The following CALD1 variants were observed in gnomAD, a reference collection of about 807,000 sequenced individuals.
CALD1 encodes caldesmon.
Under a neutral mutation model 99.9 loss-of-function variants are expected in CALD1, and 33 were observed. The observed-to-expected ratio is 0.33, with a 90% CI of 0.25 to 0.44. The LOEUF is 0.44. CALD1 is among the 20% of genes least tolerant of loss of function. CALD1 has a pLI of 1.00. For missense variants in CALD1, 861 were observed against 962.1 expected (o/e 0.89, Z 1.39); for synonymous variants, 310 against 325.0 (o/e 0.95, Z 0.50).
At chr7:134,938,010 T>G (rs1363326928) in intron 6 of CALD1, among the ~76,000 whole-genome samples, 1 of 152,222 alleles carries the variant, frequency 6.6e-6, no homozygotes, top group Non-Finnish European at 1.5e-5. Context: ...TTAAAAGTGA[T>G]GTTCGTGTCA....
rs1327848947 is a variant in CALD1, at chr7:134,951,285, A to G, written c.1935+771A>G. Reference sequence around the variant, plus strand: ...GTTTCACAGCTTCTCTTTGTTTACAACATATGGAAAGGAGGGACAGTAGTG... The same window carrying G: ...GTTTCACAGCTTCTCTTTGTTTACAGCATATGGAAAGGAGGGACAGTAGTG... On this transcript the variant is annotated intron_variant, in intron 9 of 14. Coordinates refer to ENST00000361675, the MANE Select transcript of CALD1 (RefSeq NM_033138.4). 2.0e-5 allele frequency among the ~76,000 whole-genome samples: 3 copies of G among 152,164 alleles called. No individual in the cohort carries two copies. In the South Asian group the frequency reaches 6.2e-4, roughly 32 times the overall value.
At chr7:134,869,203 G>A (rs554859880) in intron 3 of CALD1, among the ~76,000 whole-genome samples, 5 of 152,232 alleles carry the variant, frequency 3.3e-5, no homozygotes, top group African/African-American at 7.2e-5. Flanking sequence ...AGAGGGAAAC[G>A]GAGCCTGTCT....
intron 2 of CALD1, among the ~76,000 whole-genome samples, chr7:134,854,333 T>C (rs1800208543): frequency 6.6e-6 from 1 of 152,184 alleles, no homozygotes; most frequent in Non-Finnish European, 1.5e-5. Context: ...CCACCAACAG[T>C]GTAAAAGCAT....
At chr7:134,778,913 G>T (rs1468302852), upstream of CALD1, among the ~76,000 whole-genome samples, 1 of 152,118 alleles carries the variant, frequency 6.6e-6, no homozygotes, top group Non-Finnish European at 1.5e-5. Flanking sequence ...TAGGACCTTA[G>T]GTTTATTCTG....
chr7:134,898,450 A>G (rs1802737368), intron 3 of CALD1, among the ~76,000 whole-genome samples: 2 of 152,232 alleles, frequency 1.3e-5, no homozygotes, highest in Non-Finnish European at 2.9e-5. Flanking sequence ...ATATGATGCA[A>G]CTTCATAAAT....
At chr7:134,806,317 C>A (rs376488463) in intron 1 of CALD1, among the ~76,000 whole-genome samples, 2 of 151,084 alleles carry the variant, frequency 1.3e-5, no homozygotes, top group Non-Finnish European at 3.0e-5. Context: ...CCCCAGCCCA[C>A]GGTTTAGCTT....
chr7:134,741,676 A>G (rs966629227), upstream of CALD1, among the ~76,000 whole-genome samples: 1 of 152,174 alleles, frequency 6.6e-6, no homozygotes, highest in South Asian at 2.1e-4. Context: ...CCTGGGCACC[A>G]ATGCTAGTAG....
chr7:134,848,815 T>C (rs1272013440), intron 2 of CALD1, among the ~76,000 whole-genome samples: 1 of 152,210 alleles, frequency 6.6e-6, no homozygotes, highest in Admixed American at 6.5e-5. Flanking sequence ...CATTATTGGC[T>C]AATGGTTTAT....
At chr7:134,770,046 A>G (rs1796864589) in intron 1 of CALD1, among the ~76,000 whole-genome samples, 1 of 152,084 alleles carries the variant, frequency 6.6e-6, no homozygotes, top group Non-Finnish European at 1.5e-5. Context: ...TTATTTCTTG[A>G]TGTAACCAAA....
chr7:134,916,367 C>A (rs142618103), intron 3 of CALD1, among the ~76,000 whole-genome samples: 1 of 152,018 alleles, frequency 6.6e-6, no homozygotes, highest in Non-Finnish European at 1.5e-5. Context: ...CAATGCCACT[C>A]GAGTGGAAAG....
upstream of CALD1, chr7:134,779,462 G>A (rs927034205): frequency 2.6e-6 from 1 of 384,676 alleles, no homozygotes; most frequent in Admixed American, 4.5e-5. Context: ...ATCTCCACAG[G>A]CAGGCTGCAT....
intron 3 of CALD1, chr7:134,899,882 A>G (rs1230281783): frequency 6.6e-6 from 1 of 152,144 alleles, no homozygotes; most frequent in Non-Finnish European, 1.5e-5. Context: ...CCTGGACTCA[A>G]GAGATCCTCC....
intron 5 of CALD1, 101 bp downstream of exon 5, chr7:134,934,178 T>C: frequency 6.7e-7 from 1 of 1,502,668 alleles, no homozygotes; most frequent in Non-Finnish European, 8.9e-7. Context: ...ATAGCTCACA[T>C]GCTTGATCAT....
chr7:134,784,104 C>T (rs957039752), intron 1 of CALD1, among the ~76,000 whole-genome samples: 1 of 152,168 alleles, frequency 6.6e-6, no homozygotes, highest in Non-Finnish European at 1.5e-5. Flanking sequence ...CATTTTAGTA[C>T]ATGGCTTTTC....
intron 12 of CALD1, 188 bp from the exon 13 acceptor site, chr7:134,960,345 C>G: frequency 1.5e-6 from 1 of 655,238 alleles, no homozygotes; most frequent in Non-Finnish European, 2.6e-6. Flanking sequence ...AAATGTCCAC[C>G]CTTGGAGTTG....
At chr7:134,824,445 C>T (rs540475147) in intron 1 of CALD1, among the ~76,000 whole-genome samples, 14 of 152,036 alleles carry the variant, frequency 9.2e-5, no homozygotes, top group African/African-American at 3.1e-4. Context: ...CTTTCCTCCT[C>T]CTCCTTCTTC....
At chr7:134,885,008 G>C (rs138719545) in intron 3 of CALD1, among the ~76,000 whole-genome samples, 1 of 150,422 alleles carries the variant, frequency 6.6e-6, no homozygotes, top group Non-Finnish European at 1.5e-5. Flanking sequence ...GTGTGATCTC[G>C]GCTCACTGCA....
At chr7:134,756,438 C>A (rs1796731375) in intron 1 of CALD1, among the ~76,000 whole-genome samples, 1 of 151,824 alleles carries the variant, frequency 6.6e-6, no homozygotes, top group Admixed American at 6.6e-5. Context: ...AGAAATTATT[C>A]ATTTAGCTAC....
intron 2 of CALD1, among the ~76,000 whole-genome samples, chr7:134,863,122 T>C (rs984733425): frequency 1.3e-5 from 2 of 152,176 alleles, no homozygotes; most frequent in Non-Finnish European, 2.9e-5. Flanking sequence ...CCTAATCACC[T>C]CATCTTGACT....
Sources: gnomAD v4.1 joint callset for allele counts (sites outside exome capture counted in the v4.1 genomes callset) on GRCh38, gnomAD v4.1.1 for gene constraint, MANE v1.5 for transcripts, NCBI Gene and HGNC (gene_info 2026-07-23, HGNC 2026-07-21) for gene names.